AS3MT: variants seen among roughly 807,000 people sequenced by gnomAD.
AS3MT encodes the protein S-adenosyl-L-methionine:arsenic(III) methyltransferase.
In AS3MT, 47 loss-of-function variants were observed where a neutral mutation model predicts 45.3. The observed-to-expected ratio is 1.04, with a 90% CI of 0.82 to 1.32. The LOEUF is 1.32. Among genes scored for constraint, AS3MT ranks in the 40% most tolerant of loss-of-function variants. AS3MT has a pLI of 0.00. For missense variants in AS3MT, 396 were observed against 451.1 expected, an observed-to-expected ratio of 0.88 and a Z score of 1.11; for synonymous variants, 141 against 152.8, an observed-to-expected ratio of 0.92 and a Z score of 0.57.
intron 9 of AS3MT, among the ~76,000 whole-genome samples, chr10:102,888,394 C>A (rs1248034147): frequency 6.6e-6 from 1 of 151,776 alleles, no homozygotes; most frequent in Non-Finnish European, 1.5e-5. Context: ...AATTGGGATA[C>A]CTATCACCTT....
At position 102,881,936 on chromosome 10, in the gene AS3MT, GT is replaced by G. The variant is rs1224365700; in HGVS notation, c.885+2959del. Among the ~76,000 whole-genome samples the G allele has an allele frequency of 2.2e-3, 304 of 138,600 alleles. 3 individuals are homozygous for G. The highest frequency in any genetic ancestry group is 0.017 in the East Asian group (82 of 4,786). The allele number at this position is 138,600 out of a possible 152,430, so 90.9% of individuals were successfully genotyped here. On this transcript the variant is annotated intron_variant, in intron 9 of 10. Transcript: ENST00000369880. The surrounding 1 kb of genome is among the most constrained non-coding windows in gnomAD (Gnocchi z 4.2). ...TTTTATTTTTTTGTTGGTGAGACAG[GT>G]TTTTTTTTTTTTTCTTTTTTGAGAC...
At chr10:102,884,415 A>AC (rs1187451390) in intron 9 of AS3MT, among the ~76,000 whole-genome samples, 3 of 36,146 alleles carry the variant, frequency 8.3e-5, no homozygotes, top group South Asian at 9.8e-4. Context: ...CCCACCCCCT[A>AC]CCCCCAGCCC....
At chr10:102,873,333 T>G in intron 5 of AS3MT, 100 bp downstream of exon 5, 1 of 951,120 alleles carries the variant, frequency 1.1e-6, no homozygotes, top group Non-Finnish European at 1.4e-6. Context: ...CAGGCCAGAG[T>G]GCAGTGGCCC....
Position 102,870,115 on chromosome 10 carries a change from C to T in AS3MT, c.74C>T (p.Ala25Val), listed in dbSNP as rs766934575. 171 of 1,613,998 alleles carry T rather than the reference C, an allele frequency of 1.1e-4. No individual in the cohort carries two copies. The highest frequency in any genetic ancestry group is 1.4e-4 in the Non-Finnish European group (167 of 1,180,028). The change falls in exon 3 of 11, where the codon GCA becomes GTA. Residue 25 changes from alanine to valine, a missense_variant. Physicochemically the swap from Ala to Val is moderately conservative, Grantham distance 64 (BLOSUM62 0). Coordinates refer to ENST00000369880, the MANE Select transcript of AS3MT (RefSeq NM_020682.4). ...TYYGQVLKRS[A>V]DLQTNGCVTT... ...TACGGGCAGGTGCTGAAGAGATCGG[C>T]AGACCTCCAGACCAACGGCTGTGTC...
intron 10 of AS3MT, among the ~76,000 whole-genome samples, chr10:102,899,790 C>T (rs1321117691): frequency 6.6e-6 from 1 of 151,806 alleles, no homozygotes; most frequent in Non-Finnish European, 1.5e-5. Flanking sequence ...GCCTCAGCCT[C>T]CCGAGTAGCT....
At chr10:102,884,435 G>T (rs906151656) in intron 9 of AS3MT, among the ~76,000 whole-genome samples, 2 of 124,748 alleles carry the variant, frequency 1.6e-5, no homozygotes, top group African/African-American at 3.0e-5. Context: ...CCTGGTAAGA[G>T]CCTCTACTCT....
intron 9 of AS3MT, among the ~76,000 whole-genome samples, chr10:102,885,076 C>T (rs1165512347): frequency 1.3e-5 from 2 of 152,058 alleles, no homozygotes; most frequent in Non-Finnish European, 2.9e-5. Flanking sequence ...CCATCGAACA[C>T]TAGGTCTTAT....
chr10:102,888,508 A>T (rs999918385), intron 9 of AS3MT, among the ~76,000 whole-genome samples: 1 of 149,258 alleles, frequency 6.7e-6, no homozygotes, highest in East Asian at 2.0e-4. Context: ...TGCAACCTCC[A>T]CCTCCCGGGT....
At chr10:102,884,851 AT>A in intron 9 of AS3MT, among the ~76,000 whole-genome samples, 1 of 152,220 alleles carries the variant, frequency 6.6e-6, no homozygotes, top group African/African-American at 2.4e-5. Flanking sequence ...CCGGCCAAAC[AT>A]TTTTTTAATG....
At chr10:102,879,182 CAG>C (rs1192561197) in intron 9 of AS3MT, among the ~76,000 whole-genome samples, 191 bp downstream of exon 9, 7 of 152,156 alleles carry the variant, frequency 4.6e-5, no homozygotes, top group Admixed American at 4.6e-4. Context: ...TATTTATTGA[CAG>C]GGTCTCGCTC....
chr10:102,873,155 C>A lies in AS3MT; in HGVS notation c.380C>A (p.Ser127Tyr). Residue 127 changes from serine to tyrosine, a missense_variant, in exon 5 of 11, where the codon TCT (serine) becomes TAT (tyrosine). Physicochemically the swap from Ser to Tyr is moderately radical, Grantham distance 144 (BLOSUM62 -2). Transcript: ENST00000369880. ...YHMEKYGFQA[S>Y]NVTFIHGYIE... is the part of the protein sequence containing the mutation. The stretch of plus-strand genomic sequence containing the variant: ...ATGGAAAAATATGGCTTCCAGGCAT[C>A]TAATGTGACTTTTATTCATGGCTAC... 2.5e-6 allele frequency: 4 copies of A among 1,609,474 alleles called. No homozygotes were observed. The highest frequency in any genetic ancestry group is 3.4e-6 in the Non-Finnish European group (4 of 1,178,630).
intron 9 of AS3MT, among the ~76,000 whole-genome samples, chr10:102,887,080 T>C (rs879940548): frequency 2.0e-5 from 3 of 152,240 alleles, no homozygotes; most frequent in Non-Finnish European, 4.4e-5. Context: ...AATTTCTTCA[T>C]GGACCCATTG....
chr10:102,891,523 C>T (rs957950271), intron 10 of AS3MT, among the ~76,000 whole-genome samples: 10 of 152,162 alleles, frequency 6.6e-5, no homozygotes, highest in African/African-American at 2.4e-4. Context: ...GGTAAAGTTC[C>T]AGCAAAGCCA....
chr10:102,879,142 T>A, intron 9 of AS3MT, 151 bp downstream of exon 9: 2 of 881,420 alleles, frequency 2.3e-6, no homozygotes, highest in African/African-American at 1.7e-5. Flanking sequence ...TCAAGTGGAG[T>A]AAAAAAGCAT....
At chr10:102,890,039 C>G in intron 9 of AS3MT, among the ~76,000 whole-genome samples, 1 of 145,546 alleles carries the variant, frequency 6.9e-6, no homozygotes, top group Admixed American at 7.1e-5. Flanking sequence ...GTTGCCCAGG[C>G]TGGAGTGCTG....
At chr10:102,895,637 C>T (rs761450229) in intron 10 of AS3MT, among the ~76,000 whole-genome samples, 1 of 152,178 alleles carries the variant, frequency 6.6e-6, no homozygotes, top group Non-Finnish European at 1.5e-5. Context: ...ACCATTGTTA[C>T]AATAATACTA....
At position 102,874,611 on chromosome 10, in the gene AS3MT, C is replaced by T. The variant is rs1248043014; in HGVS notation, c.478C>T (p.Leu160Phe). Reference protein sequence around the residue: ...DIVVSNCVINLVPDKQQVLQE... With the variant: ...DIVVSNCVINFVPDKQQVLQE... Reference sequence around the variant, plus strand: ...TTTTAGATCAAACTGTGTTATTAACCTTGTGCCTGATAAACAACAAGTGCT... The same window carrying T: ...TTTTAGATCAAACTGTGTTATTAACTTTGTGCCTGATAAACAACAAGTGCT... Residue 160 changes from leucine (L) to phenylalanine (F), a missense_variant, in exon 6 of 11, where the codon CTT becomes TTT. By Grantham distance (22) the Leu-to-Phe change is conservative. Transcript: ENST00000369880. 1 of 1,608,250 alleles carries T rather than the reference C, an allele frequency of 6.2e-7. No individual in the cohort carries two copies. Among genetic ancestry groups the T allele is most frequent in the Non-Finnish European group, 8.5e-7 (1 of 1,176,556 alleles).
At chr10:102,899,648 A>G (rs1011930599) in intron 10 of AS3MT, among the ~76,000 whole-genome samples, 2 of 148,316 alleles carry the variant, frequency 1.3e-5, no homozygotes, top group Non-Finnish European at 3.0e-5. Flanking sequence ...CATTACCATT[A>G]TTTAAAGTGG....
At chr10:102,877,122 A>ATGC in intron 7 of AS3MT, 87 bp downstream of exon 7, 1 of 1,251,944 alleles carries the variant, frequency 8.0e-7, no homozygotes. Context: ...ATGAGGCTAT[A>ATGC]TGAGATCACA....
Sources: gnomAD v4.1 joint callset for allele counts (sites outside exome capture counted in the v4.1 genomes callset) on GRCh38, gnomAD v4.1.1 for gene constraint, Gnocchi (gnomAD v3.1) non-coding constraint, MANE v1.5 for transcripts, NCBI Gene and HGNC (gene_info 2026-07-23, HGNC 2026-07-21) for gene names.